Variants in KALRN observed in about 807,000 individuals in gnomAD.
The protein encoded by KALRN is kalirin.
A neutral mutation model predicts 353.7 loss-of-function variants in KALRN; 70 were observed. The ratio of observed to expected loss-of-function variants is 0.20; its 90% CI spans 0.16 to 0.24. The LOEUF is 0.24. KALRN is among the 10% of genes least tolerant of loss of function. The pLI, the probability that KALRN is intolerant of heterozygous loss-of-function variation, is 1.00. For missense variants in KALRN, 2,791 were observed against 3,756.7 expected (o/e 0.74, Z 6.72); for synonymous variants, 1,391 against 1,434.8 (o/e 0.97, Z 0.69).
At chr3:124,181,757 G>A (rs1234518993) in intron 1 of KALRN, among the ~76,000 whole-genome samples, 1 of 152,168 alleles carries the variant, frequency 6.6e-6, no homozygotes, top group Non-Finnish European at 1.5e-5. Context: ...ATATGAATGT[G>A]CTGTGCAACA....
At chr3:124,431,003 T>A (rs2093249184) in intron 16 of KALRN, among the ~76,000 whole-genome samples, 1 of 152,256 alleles carries the variant, frequency 6.6e-6, no homozygotes, top group Non-Finnish European at 1.5e-5. Flanking sequence ...ACACTTCATA[T>A]GAGAATCTTT....
rs945631860 is a variant in KALRN, at chr3:124,466,700, G to A, written c.4031+4067G>A. On this transcript the variant is annotated intron_variant, in intron 25 of 59. Transcript: ENST00000682506. ...ACAACCCTCTCCATGTACAGACAAGGAGACAATCCCAGAGGAGTCGTTACT... is the reference window on the plus strand; with the variant it reads ...ACAACCCTCTCCATGTACAGACAAGAAGACAATCCCAGAGGAGTCGTTACT... 3.9e-5 allele frequency among the ~76,000 whole-genome samples: 6 copies of A among 152,278 alleles called. No individual in the cohort carries two copies. In the South Asian group the frequency reaches 1.0e-3, roughly 26 times the overall value.
At chr3:124,715,010 C>T (rs1193568074) in intron 58 of KALRN, among the ~76,000 whole-genome samples, 1 of 82,746 alleles carries the variant, frequency 1.2e-5, no homozygotes, top group Non-Finnish European at 2.2e-5. Context: ...AGTGAGACTC[C>T]ATCTCAAAAA....
intron 5 of KALRN, among the ~76,000 whole-genome samples, chr3:124,282,632 C>T (rs548231468): frequency 6.6e-6 from 1 of 152,316 alleles, no homozygotes; most frequent in South Asian, 2.1e-4. Flanking sequence ...CCACCTTGGC[C>T]TCCCAAAGTG....
At chr3:124,102,649 A>G (rs986567434) in intron 1 of KALRN, among the ~76,000 whole-genome samples, 2 of 152,262 alleles carry the variant, frequency 1.3e-5, no homozygotes, top group South Asian at 2.1e-4. Flanking sequence ...CAGCTTTAGG[A>G]ATCTTAGTTT....
chr3:124,059,775 T>G (rs2041851570), intron 1 of KALRN, among the ~76,000 whole-genome samples: 2 of 152,216 alleles, frequency 1.3e-5, no homozygotes, highest in Admixed American at 6.5e-5. Context: ...TGACGTCATT[T>G]AAAGGAATGG....
intron 57 of KALRN, among the ~76,000 whole-genome samples, chr3:124,703,500 AAGATAGAG>A (rs1474074443): frequency 6.6e-6 from 1 of 152,194 alleles, no homozygotes; most frequent in Admixed American, 6.5e-5. Context: ...TTAAAAAAAA[AAGATAGAG>A]ATCGGTTATT....
chr3:124,072,304 G>T (rs1412921607), intron 1 of KALRN, among the ~76,000 whole-genome samples: 1 of 152,152 alleles, frequency 6.6e-6, no homozygotes, highest in African/African-American at 2.4e-5. Flanking sequence ...CCCTGTATCT[G>T]CTCTCTGTGT....
Position 124,304,127 on chromosome 3 carries a change from AACACAC to A in KALRN, c.1092+5243_1092+5248del, listed in dbSNP as rs3055892. ...GTCAGAATTTCTAGATTTTGTTGTA[AACACAC>A]ACACACACACACACACACACACACA... On this transcript the variant is annotated intron_variant, in intron 6 of 59. Coordinates refer to ENST00000682506, the MANE Select transcript of KALRN (RefSeq NM_001388419.1). Among the ~76,000 whole-genome samples the A allele has an allele frequency of 1.2e-3, 174 of 147,406 alleles. No individual in the cohort carries two copies. In the East Asian group the frequency reaches 0.014, roughly 12 times the overall value.
chr3:124,518,312 ACT>A (rs2066854631), intron 33 of KALRN: 11 of 1,142,326 alleles, frequency 9.6e-6, no homozygotes, highest in Non-Finnish European at 1.1e-5. Flanking sequence ...TGATGATTTA[ACT>A]CTGTTTTCTA....
chr3:124,645,035 G>T (rs1353553878), intron 37 of KALRN, among the ~76,000 whole-genome samples: 1 of 152,130 alleles, frequency 6.6e-6, no homozygotes, highest in Non-Finnish European at 1.5e-5. Context: ...GGCGTGAGAT[G>T]GTATCTTATT....
At chr3:124,103,959 G>C (rs1187364272) in intron 1 of KALRN, among the ~76,000 whole-genome samples, 1 of 151,806 alleles carries the variant, frequency 6.6e-6, no homozygotes, top group Non-Finnish European at 1.5e-5. Context: ...CCATCTCCAA[G>C]AAAAGAGAGA....
intron 49 of KALRN, 75 bp from the exon 50 acceptor site, chr3:124,678,115 A>G (rs2150445690): frequency 6.6e-7 from 1 of 1,518,698 alleles, no homozygotes; most frequent in Non-Finnish European, 9.1e-7. Flanking sequence ...TGACTCACCC[A>G]AGGGTGGTGA....
At chr3:124,659,493 G>T (rs762728267) in intron 43 of KALRN, 36 bp downstream of exon 43, 3 of 1,389,016 alleles carry the variant, frequency 2.2e-6, no homozygotes, top group Non-Finnish European at 2.1e-6. Context: ...GGCTGGAGAA[G>T]GATCCATCAG....
At chr3:124,387,064 C>G (rs920669459) in intron 11 of KALRN, among the ~76,000 whole-genome samples, 5 of 152,024 alleles carry the variant, frequency 3.3e-5, no homozygotes, top group African/African-American at 1.2e-4. Context: ...CTTCTCCTTA[C>G]TTTTATTTTT....
chr3:124,636,191 T>C (rs191853466), intron 36 of KALRN, among the ~76,000 whole-genome samples: 5 of 152,180 alleles, frequency 3.3e-5, no homozygotes, highest in Admixed American at 2.6e-4. Context: ...TTTTGAAACT[T>C]TCTCTCTAAC....
At chr3:124,122,300 C>G (rs1363033171) in intron 1 of KALRN, among the ~76,000 whole-genome samples, 1 of 151,992 alleles carries the variant, frequency 6.6e-6, no homozygotes, top group Non-Finnish European at 1.5e-5. Context: ...GATCTGCTCT[C>G]CTGTCTTATA....
At chr3:124,082,806 A>T (rs983799730) in intron 1 of KALRN, among the ~76,000 whole-genome samples, 1 of 152,216 alleles carries the variant, frequency 6.6e-6, no homozygotes, top group Non-Finnish European at 1.5e-5. Context: ...TAAATAAACC[A>T]CCCTTATAAA....
intron 5 of KALRN, among the ~76,000 whole-genome samples, chr3:124,297,800 T>A (rs1193665391): frequency 1.3e-5 from 2 of 152,254 alleles, no homozygotes; most frequent in African/African-American, 4.8e-5. Context: ...GCCAGGGCTC[T>A]GCCTGCTTCC....
Sources: gnomAD v4.1 joint callset for allele counts (sites outside exome capture counted in the v4.1 genomes callset) on GRCh38, gnomAD v4.1.1 for gene constraint, MANE v1.5 for transcripts, NCBI Gene and HGNC (gene_info 2026-07-23, HGNC 2026-07-21) for gene names.